The following CTNND2 variants were observed in gnomAD, a reference collection of about 807,000 sequenced individuals.
CTNND2 encodes the protein catenin delta 2, also known as catenin delta-2.
A neutral mutation model predicts 144.4 loss-of-function variants in CTNND2; 22 were observed. The ratio of observed to expected loss-of-function variants is 0.15; its 90% confidence interval spans 0.11 to 0.22. The LOEUF (loss-of-function observed/expected upper bound fraction) is 0.22. Ranked by LOEUF, CTNND2 falls within the 10% of genes least tolerant of loss-of-function variation. The pLI is 1.00. For synonymous variants in CTNND2, 751 were observed against 695.6 expected (o/e 1.08, Z -1.25); for missense variants, 1,353 against 1,618.8 (o/e 0.84, Z 2.82).
At chr5:11,679,911 G>T (rs570966538) in intron 2 of CTNND2, among the ~76,000 whole-genome samples, 1 of 152,188 alleles carries the variant, frequency 6.6e-6, no homozygotes, top group Non-Finnish European at 1.5e-5. Flanking sequence ...ACATTCCTTC[G>T]TTATTGTGGT....
At chr5:11,813,007 G>A (rs1024101726) in intron 1 of CTNND2, among the ~76,000 whole-genome samples, 1 of 152,102 alleles carries the variant, frequency 6.6e-6, no homozygotes, top group Non-Finnish European at 1.5e-5. Context: ...TCATATAATC[G>A]GGTGTGTTTT....
At chr5:11,479,459 T>C (rs549359471) in intron 3 of CTNND2, among the ~76,000 whole-genome samples, 2 of 152,334 alleles carry the variant, frequency 1.3e-5, no homozygotes, top group Middle Eastern at 3.4e-3. Context: ...GCAATGAACA[T>C]ACACATGCAT....
At chr5:11,872,236 G>C (rs1735197176) in intron 1 of CTNND2, among the ~76,000 whole-genome samples, 1 of 152,142 alleles carries the variant, frequency 6.6e-6, no homozygotes, top group African/African-American at 2.4e-5. Flanking sequence ...TGGCTGTATA[G>C]TATTCCATGG....
rs187206970 is a variant in CTNND2 at position 11,083,594 on chromosome 5, C to T, written c.2638-748G>A. ...CAATATCAGGATGATAAAGCATTCC[C>T]ATTCACTTAACAGAATGCAGGCCCA... On this transcript the variant is annotated intron_variant, in intron 15 of 21. Coordinates refer to ENST00000304623, the MANE Select transcript of CTNND2 (RefSeq NM_001332.4). Among the ~76,000 whole-genome samples, 36 of 152,264 alleles carry T rather than the reference C, an allele frequency of 2.4e-4. No individual in the cohort carries two copies. In the East Asian group the frequency reaches 6.6e-3, roughly 28 times the overall value.
chr5:11,557,148 T>C (rs1432164329), intron 3 of CTNND2, among the ~76,000 whole-genome samples: 1 of 152,190 alleles, frequency 6.6e-6, no homozygotes, highest in Non-Finnish European at 1.5e-5. Flanking sequence ...TTTTGTAATA[T>C]ATATCTAACA....
At chr5:11,840,061 T>TA (rs1408371876) in intron 1 of CTNND2, among the ~76,000 whole-genome samples, 3 of 152,050 alleles carry the variant, frequency 2.0e-5, no homozygotes, top group Non-Finnish European at 4.4e-5. Flanking sequence ...TTTTCATTCT[T>TA]AAAAAAATTA....
At chr5:11,142,246 T>C (rs1756805412) in intron 12 of CTNND2, among the ~76,000 whole-genome samples, 1 of 152,234 alleles carries the variant, frequency 6.6e-6, no homozygotes, top group Admixed American at 6.5e-5. Flanking sequence ...ATGATGCCAA[T>C]ACTAATGTAC....
chr5:11,695,765 C>T lies in CTNND2; in HGVS notation c.174+36371G>A, dbSNP rs144871190. On this transcript the variant is annotated intron_variant, in intron 2 of 21. Transcript: ENST00000304623. Reference sequence around the variant, plus strand: ...GTTAGGCAATAAATAAAAACAAAATCCATAATCCCTTAATTTGTCCCATTT... The same window carrying T: ...GTTAGGCAATAAATAAAAACAAAATTCATAATCCCTTAATTTGTCCCATTT... Among the ~76,000 whole-genome samples, 180 of 152,214 alleles carry T rather than the reference C, an allele frequency of 1.2e-3. 1 individual carries two copies. The highest frequency in any genetic ancestry group is 4.1e-3 in the African/African-American group (169 of 41,538).
intron 16 of CTNND2, among the ~76,000 whole-genome samples, chr5:11,063,822 T>G (rs139121768): frequency 6.6e-6 from 1 of 151,228 alleles, no homozygotes; most frequent in Non-Finnish European, 1.5e-5. Flanking sequence ...TTGGGGGGCA[T>G]AGCTTTCCAA....
intron 6 of CTNND2, among the ~76,000 whole-genome samples, chr5:11,392,446 G>A (rs989750270): frequency 7.2e-5 from 11 of 152,108 alleles, no homozygotes; most frequent in Non-Finnish European, 1.3e-4. Flanking sequence ...ATGAGCACCC[G>A]CAAAAATATA....
In CTNND2 at chr5:11,599,447, T is replaced by C. The variant is rs184511199; in HGVS notation, c.175-34391A>G. On this transcript the variant is annotated intron_variant, in intron 2 of 21. Coordinates refer to ENST00000304623, the MANE Select transcript of CTNND2 (RefSeq NM_001332.4). ...CTGTAGTTATAAATACATTTACACATATTTAATGACCATTTTTGGAGTTTT... is the reference window on the plus strand; with the variant it reads ...CTGTAGTTATAAATACATTTACACACATTTAATGACCATTTTTGGAGTTTT... Among the ~76,000 whole-genome samples the C allele has an allele frequency of 2.1e-3, 318 of 152,338 alleles. 2 individuals are homozygous for C. Among genetic ancestry groups the C allele is most frequent in the Middle Eastern group, 3.4e-3 (1 of 294 alleles).
At chr5:11,782,722 G>A (rs544498201) in intron 1 of CTNND2, among the ~76,000 whole-genome samples, 7 of 152,192 alleles carry the variant, frequency 4.6e-5, no homozygotes, top group South Asian at 2.1e-4. Context: ...ACTGTGAAAC[G>A]CTCAGTATCT....
chr5:11,753,843 T>G (rs1788757884), intron 1 of CTNND2, among the ~76,000 whole-genome samples: 1 of 151,798 alleles, frequency 6.6e-6, no homozygotes, highest in South Asian at 2.1e-4. Flanking sequence ...TGATTCAATT[T>G]TGGAACTCAT....
At chr5:11,309,503 G>A (rs1750584173) in intron 9 of CTNND2, among the ~76,000 whole-genome samples, 1 of 152,170 alleles carries the variant, frequency 6.6e-6, no homozygotes, top group African/African-American at 2.4e-5. Context: ...TTTGAAACAG[G>A]TGTATTTACC....
At chr5:11,697,811 G>A (rs1323428643) in intron 2 of CTNND2, among the ~76,000 whole-genome samples, 1 of 152,168 alleles carries the variant, frequency 6.6e-6, no homozygotes, top group Non-Finnish European at 1.5e-5. Flanking sequence ...AGTCAAGGAA[G>A]GACTTTCTTA....
At chr5:11,512,865 G>C (rs373637318) in intron 3 of CTNND2, among the ~76,000 whole-genome samples, 3 of 152,270 alleles carry the variant, frequency 2.0e-5, no homozygotes, top group South Asian at 4.2e-4. Context: ...AAGTCTGCAG[G>C]AGAAAAGACA....
chr5:11,688,347 C>T lies in CTNND2; in HGVS notation c.174+43789G>A, dbSNP rs564817613. On this transcript the variant is annotated intron_variant, in intron 2 of 21. Transcript: ENST00000304623. ...AGCACTCTGTGGGTTACTCAGCAGGCAGGAATGGCTTAATTAAGAATGACT... is the reference window on the plus strand; with the variant it reads ...AGCACTCTGTGGGTTACTCAGCAGGTAGGAATGGCTTAATTAAGAATGACT... Among the ~76,000 whole-genome samples, 49 of 152,102 alleles carry T rather than the reference C, an allele frequency of 3.2e-4. No individual in the cohort carries two copies. In the East Asian group the frequency reaches 9.1e-3, roughly 28 times the overall value.
intron 18 of CTNND2, among the ~76,000 whole-genome samples, chr5:10,994,081 G>A (rs2149502278): frequency 6.6e-6 from 1 of 150,486 alleles, no homozygotes; most frequent in East Asian, 2.0e-4. Context: ...ACCATTATCT[G>A]CATTCTACAG....
rs573974958 is a variant in CTNND2, at chr5:11,491,872, C to T, written c.287+73072G>A. On this transcript the variant is annotated intron_variant, in intron 3 of 21. Coordinates refer to ENST00000304623, the MANE Select transcript of CTNND2 (RefSeq NM_001332.4). ...AGTGACTCAGCAACTACTTGTGACG[C>T]ATTCTAGTTACCATTGAACATTTGG... Among the ~76,000 whole-genome samples the T allele has an allele frequency of 2.0e-5, 3 of 152,286 alleles. No homozygotes were observed. The South Asian group carries it at 6.2e-4, about 32-fold the overall frequency.
Sources: allele counts gnomAD v4.1 joint callset (sites outside exome capture counted in the v4.1 genomes callset), GRCh38; gene constraint gnomAD v4.1.1; transcripts MANE v1.5; gene names NCBI Gene and HGNC (gene_info 2026-07-23, HGNC 2026-07-21).